The following PLCB4 variants were observed in gnomAD, a reference collection of about 807,000 sequenced individuals.
PLCB4 encodes 1-phosphatidylinositol 4,5-bisphosphate phosphodiesterase beta-4.
A neutral mutation model predicts 178.8 loss-of-function variants in PLCB4; 77 were observed. The ratio of observed to expected loss-of-function variants is 0.43; its 90% CI spans 0.36 to 0.52. PLCB4 has a LOEUF of 0.52. PLCB4 is among the 20% of genes least tolerant of loss of function. The probability of loss-of-function intolerance (pLI) is 0.00; values close to 1 mark genes in which losing one functional copy is unlikely to be tolerated. For missense variants in PLCB4, 1,024 were observed against 1,453.4 expected (o/e 0.70, Z 4.80); for synonymous variants, 496 against 490.8 (o/e 1.01, Z -0.14).
At chr20:9,318,949 G>C (rs951967215) in intron 4 of PLCB4, among the ~76,000 whole-genome samples, 1 of 152,200 alleles carries the variant, frequency 6.6e-6, no homozygotes, top group Admixed American at 6.5e-5. Context: ...GTGGGCCGCA[G>C]GTGAACAGGA....
At chr20:9,120,783 C>G (rs1031615574) in intron 2 of PLCB4, among the ~76,000 whole-genome samples, 15 of 152,292 alleles carry the variant, frequency 9.8e-5, no homozygotes, top group Non-Finnish European at 1.9e-4. Context: ...ACTAGACCGT[C>G]AGGAGCCTCC....
chr20:9,424,752 A>C (rs931655933), intron 28 of PLCB4, among the ~76,000 whole-genome samples: 1 of 152,182 alleles, frequency 6.6e-6, no homozygotes, highest in Non-Finnish European at 1.5e-5. Flanking sequence ...TTATCATTAG[A>C]GTACATGATA....
At chr20:9,442,277 T>C (rs1242516364) in intron 30 of PLCB4, among the ~76,000 whole-genome samples, 4 of 152,330 alleles carry the variant, frequency 2.6e-5, no homozygotes, top group East Asian at 1.9e-4. Flanking sequence ...AGGCCGTCAG[T>C]TGGACAGACC....
At chr20:9,212,360 A>G (rs556837943) in intron 2 of PLCB4, among the ~76,000 whole-genome samples, 42 of 152,288 alleles carry the variant, frequency 2.8e-4, no homozygotes, top group South Asian at 2.3e-3. Flanking sequence ...TTGCCCAGTT[A>G]CTCTTCACTT....
At chr20:9,393,790 G>A (rs1407900632) in intron 18 of PLCB4, 112 bp downstream of exon 18, 10 of 646,746 alleles carry the variant, frequency 1.5e-5, no homozygotes, top group Non-Finnish European at 2.7e-5. Flanking sequence ...GAAGGGTGTA[G>A]GGGTGATGTT....
intron 2 of PLCB4, among the ~76,000 whole-genome samples, chr20:9,150,151 G>C (rs1160265377): frequency 2.0e-5 from 3 of 152,182 alleles, no homozygotes; most frequent in African/African-American, 4.8e-5. Context: ...CTATATCCAG[G>C]TGTGTAATGT....
chr20:9,447,175 ATC>A (rs1236093788), intron 32 of PLCB4, among the ~76,000 whole-genome samples: 1 of 152,202 alleles, frequency 6.6e-6, no homozygotes, highest in Non-Finnish European at 1.5e-5. Context: ...TGAGTTTTGT[ATC>A]TGTTAGCTTT....
intron 3 of PLCB4, among the ~76,000 whole-genome samples, chr20:9,241,389 TACAC>T (rs11470548): frequency 0.3 from 44,764 of 148,094 alleles, 6,976 homozygotes; most frequent in African/African-American, 0.43. Flanking sequence ...CATGCATGCA[TACAC>T]ACACACACAC....
Position 9,372,338 on chromosome 20 carries a change from A to G in PLCB4, c.621A>G (p.Glu207=), listed in dbSNP as rs140598847. 9 of 1,601,158 alleles carry G rather than the reference A, an allele frequency of 5.6e-6. No homozygotes were observed. The highest frequency in any genetic ancestry group is 6.8e-6 in the Non-Finnish European group (8 of 1,169,112). The change falls in exon 11 of 40, where the codon GAA becomes GAG. Residue 207 remains glutamate (E), a synonymous_variant. Coordinates refer to ENST00000378473, the MANE Select transcript of PLCB4 (RefSeq NM_001377142.1). ...DEIEPTAFSY[E]KFYELTQKIC... is the part of the protein sequence containing the mutation. The stretch of plus-strand genomic sequence containing the variant: ...TTGAGCCCACAGCATTTTCTTATGA[A>G]AAGTTCTATGAACTGACACAAAAGA...
intron 3 of PLCB4, among the ~76,000 whole-genome samples, chr20:9,222,257 T>G (rs2093809328): frequency 6.6e-6 from 1 of 151,898 alleles, no homozygotes; most frequent in South Asian, 2.1e-4. Context: ...ACCTGGCTAA[T>G]TTGTAAAATT....
chr20:9,166,627 G>C (rs565636468), intron 2 of PLCB4: 1 of 152,276 alleles, frequency 6.6e-6, no homozygotes, highest in Non-Finnish European at 1.5e-5. Flanking sequence ...TTCTCCACCT[G>C]CCTCAGGCGT....
Position 9,480,321 on chromosome 20 carries a change from A to T in PLCB4, c.*1312A>T, listed in dbSNP as rs752959776. The T allele has an allele frequency of 6.6e-6, 1 of 152,634 alleles. No individual in the cohort carries two copies. Among genetic ancestry groups the T allele is most frequent in the Non-Finnish European group, 1.5e-5 (1 of 68,040 alleles). 9.5% of individuals were successfully genotyped at this position (152,634 alleles called of 1,614,324 possible). A position where few individuals can be genotyped will look rare whatever the true frequency, so the allele number is the denominator to read the frequency against. ...AACCCGGTAGTCTAGAACTAATCAG[A>T]TTACTGATTTTAGGGCACAGCACCA... On this transcript the variant is annotated 3_prime_UTR_variant, in exon 40 of 40. Transcript: ENST00000378473.
chr20:9,105,861 C>A (rs1353714420), intron 2 of PLCB4, among the ~76,000 whole-genome samples: 1 of 151,932 alleles, frequency 6.6e-6, no homozygotes, highest in East Asian at 1.9e-4. Context: ...TGATAAAAAT[C>A]TATGGATAAA....
At chr20:9,415,667 G>A (rs1169295400) in intron 25 of PLCB4, among the ~76,000 whole-genome samples, 2 of 152,204 alleles carry the variant, frequency 1.3e-5, no homozygotes, top group Non-Finnish European at 2.9e-5. Context: ...TCTGGAATGA[G>A]TTCATTTTCT....
At chr20:9,081,444 A>G (rs1057094842) in intron 1 of PLCB4, among the ~76,000 whole-genome samples, 1 of 152,200 alleles carries the variant, frequency 6.6e-6, no homozygotes, top group Non-Finnish European at 1.5e-5. Flanking sequence ...TGCACTGTGG[A>G]CACTGTGGCT....
chr20:9,358,246 C>A (rs1012135767), intron 7 of PLCB4, among the ~76,000 whole-genome samples: 4 of 152,090 alleles, frequency 2.6e-5, no homozygotes, highest in African/African-American at 9.7e-5. Context: ...GCTGCTGGTC[C>A]CCAGACTACA....
rs1052796286 is a variant in PLCB4, at chr20:9,275,252, A to T, written c.-15-32548A>T. Among the ~76,000 whole-genome samples the T allele has an allele frequency of 3.3e-5, 5 of 151,898 alleles. 1 individual carries two copies. The South Asian group carries it at 8.3e-4, about 25-fold the overall frequency. ...AGAGAATGAGGAAGCAAAAGCATAA[A>T]CCCCTGATAAACCCATCAGATCTCG... On this transcript the variant is annotated intron_variant, in intron 3 of 39. Coordinates refer to ENST00000378473, the MANE Select transcript of PLCB4 (RefSeq NM_001377142.1).
At chr20:9,318,110 T>C (rs575899668) in intron 4 of PLCB4, among the ~76,000 whole-genome samples, 1 of 151,994 alleles carries the variant, frequency 6.6e-6, no homozygotes, top group Admixed American at 6.6e-5. Context: ...GATTGCGCTA[T>C]TGCACTCCAG....
chr20:9,210,013 T>C (rs1385697019), intron 2 of PLCB4, among the ~76,000 whole-genome samples: 2 of 146,790 alleles, frequency 1.4e-5, no homozygotes, highest in African/African-American at 2.5e-5. Context: ...CCAGAAACGA[T>C]GTCTGGACTC....
Sources: allele counts gnomAD v4.1 joint callset (sites outside exome capture counted in the v4.1 genomes callset), GRCh38; gene constraint gnomAD v4.1.1; transcripts MANE v1.5; gene names NCBI Gene and HGNC (gene_info 2026-07-23, HGNC 2026-07-21).